Variants in MALRD1 observed in about 807,000 individuals in gnomAD.
MALRD1 encodes the protein MAM and LDL receptor class A domain containing 1.
A neutral mutation model predicts 242.1 loss-of-function variants in MALRD1; 247 were observed. The observed-to-expected ratio is 1.02, with a 90% confidence interval of 0.92 to 1.13. MALRD1 has a LOEUF of 1.13. Ranked by LOEUF, MALRD1 falls within the 50% of genes most tolerant of loss-of-function variation. The probability of loss-of-function intolerance (pLI) is 0.00; values close to 1 mark genes in which losing one functional copy is unlikely to be tolerated. For synonymous variants in MALRD1, 995 were observed against 866.6 expected (o/e 1.15, Z -2.60); for missense variants, 2,989 against 2,533.1 (o/e 1.18, Z -3.86).
At chr10:19,388,276 G>A (rs1398887230) in intron 27 of MALRD1, among the ~76,000 whole-genome samples, 1 of 152,110 alleles carries the variant, frequency 6.6e-6, no homozygotes, top group Non-Finnish European at 1.5e-5. Flanking sequence ...TCCAAATAAG[G>A]TCACATTCAT....
At chr10:19,073,152 T>G (rs186346027) in intron 2 of MALRD1, among the ~76,000 whole-genome samples, 1 of 152,064 alleles carries the variant, frequency 6.6e-6, no homozygotes, top group African/African-American at 2.4e-5. Context: ...TGACCTCAAG[T>G]GATCTGCCCA....
chr10:19,245,074 G>A (rs924453643), intron 18 of MALRD1, among the ~76,000 whole-genome samples: 1 of 152,150 alleles, frequency 6.6e-6, no homozygotes, highest in Non-Finnish European at 1.5e-5. Flanking sequence ...TGAAAAGCAG[G>A]TACAAATAAA....
At chr10:19,450,737 C>G (rs995428899) in intron 29 of MALRD1, among the ~76,000 whole-genome samples, 4 of 152,114 alleles carry the variant, frequency 2.6e-5, no homozygotes, top group African/African-American at 9.7e-5. Context: ...AAATTTTTTT[C>G]CCTGTGGTTC....
At chr10:19,107,937 A>G (rs774926044) in intron 5 of MALRD1, among the ~76,000 whole-genome samples, 60 of 151,894 alleles carry the variant, frequency 4.0e-4, no homozygotes, top group Admixed American at 2.6e-4. Flanking sequence ...TTTGTCTTTG[A>G]CTTTTGGTAA....
At chr10:19,516,737 T>G (rs1833650572) in intron 31 of MALRD1, among the ~76,000 whole-genome samples, 1 of 139,756 alleles carries the variant, frequency 7.2e-6, no homozygotes, top group Non-Finnish European at 1.6e-5. Context: ...TCCCTCTTCC[T>G]TCTTCCTTGT....
At chr10:19,695,479 T>C (rs920424025) in intron 38 of MALRD1, among the ~76,000 whole-genome samples, 1 of 151,244 alleles carries the variant, frequency 6.6e-6, no homozygotes, top group Non-Finnish European at 1.5e-5. Flanking sequence ...CTCACAATCA[T>C]GGTAGAAGGC....
At chr10:19,591,993 G>A (rs1005987722) in intron 33 of MALRD1, among the ~76,000 whole-genome samples, 6 of 152,196 alleles carry the variant, frequency 3.9e-5, no homozygotes, top group Non-Finnish European at 5.9e-5. Flanking sequence ...AGTGAATGAA[G>A]GACTGCCTCT....
Position 19,088,125 on chromosome 10 carries a change from T to A in MALRD1, c.537T>A (p.Ala179=), listed in dbSNP as rs1835738214. The stretch of plus-strand genomic sequence containing the variant: ...TTCAGCATTTATGGCAAAACACAGC[T>A]GCACTCCCAAATCAGTGGGAGAGAA... The part of the protein sequence containing the change: ...GPIQHLWQNT[A]ALPNQWERNV... Residue 179 remains alanine (A), a synonymous_variant, in exon 4 of 40, where the codon GCT becomes GCA. Transcript: ENST00000454679. The A allele has an allele frequency of 3.2e-6, 4 of 1,233,432 alleles. No homozygotes were observed. The highest frequency in any genetic ancestry group is 1.6e-5 in the African/African-American group (1 of 64,452). The allele number at this position is 1,233,432 out of a possible 1,614,324, so 76.4% of individuals were successfully genotyped here. A position where few individuals can be genotyped will look rare whatever the true frequency, so the allele number is the denominator to read the frequency against.
chr10:19,266,490 C>T (rs1287511344), intron 19 of MALRD1, among the ~76,000 whole-genome samples: 1 of 151,762 alleles, frequency 6.6e-6, no homozygotes, highest in Non-Finnish European at 1.5e-5. Flanking sequence ...TACAAAAATC[C>T]TACACGTCTT....
At chr10:19,617,932 C>T (rs935249311) in intron 36 of MALRD1, among the ~76,000 whole-genome samples, 20 of 151,986 alleles carry the variant, frequency 1.3e-4, no homozygotes, top group Non-Finnish European at 1.0e-4. Flanking sequence ...CACCCAGGTA[C>T]TAAGCCTAGT....
chr10:19,387,521 GT>G lies in MALRD1; in HGVS notation c.4442-3del, dbSNP rs1846135175. ...GCTCATTCTTGTTTTCTTTTGTTTT[GT>G]TTTAGGTTTCTGCCCACTTGGCTAT... On this transcript the variant is annotated splice_region_variant and splice_polypyrimidine_tract_variant and intron_variant, in intron 26 of 39. Transcript: ENST00000454679. The G allele has an allele frequency of 6.5e-7, 1 of 1,548,430 alleles. No individual in the cohort carries two copies. The highest frequency in any genetic ancestry group is 1.4e-5 in the African/African-American group (1 of 72,846).
At chr10:19,463,385 TCCTCTGC>T (rs1836043632) in intron 29 of MALRD1, among the ~76,000 whole-genome samples, 1 of 5,876 alleles carries the variant, frequency 1.7e-4, no homozygotes, top group African/African-American at 3.7e-4. Flanking sequence ...ATACAATGCA[TCCTCTGC>T]ATCCTCTGCA....
At chr10:19,308,226 A>G (rs936247291) in intron 21 of MALRD1, among the ~76,000 whole-genome samples, 4 of 151,272 alleles carry the variant, frequency 2.6e-5, no homozygotes, top group African/African-American at 9.7e-5. Context: ...TCTATTCTGC[A>G]TGTCTGTGTG....
At chr10:19,204,255 T>G in intron 15 of MALRD1, 53 bp from the exon 16 acceptor site, 1 of 1,165,912 alleles carries the variant, frequency 8.6e-7, no homozygotes, top group South Asian at 1.5e-5. Flanking sequence ...GATGTCTCAT[T>G]TTAGAATCCA....
intron 32 of MALRD1, among the ~76,000 whole-genome samples, chr10:19,545,461 CT>C: frequency 6.6e-6 from 1 of 152,146 alleles, no homozygotes; most frequent in Non-Finnish European, 1.5e-5. Flanking sequence ...GTATAGATTT[CT>C]AGGTTGAAAA....
At chr10:19,331,248 CAAAAACA>C (rs1189857858) in intron 23 of MALRD1, 114 bp from the exon 24 acceptor site, 1 of 917,468 alleles carries the variant, frequency 1.1e-6, no homozygotes. Flanking sequence ...AAAACAAAAA[CAAAAACA>C]AAAAAACAAA....
At chr10:19,183,122 T>TGG (rs1564449807) in intron 14 of MALRD1, among the ~76,000 whole-genome samples, 4 of 150,948 alleles carry the variant, frequency 2.6e-5, no homozygotes, top group East Asian at 1.9e-4. Flanking sequence ...AGGGTTTTTT[T>TGG]TTTTTTTTTG....
chr10:19,595,533 A>C, intron 34 of MALRD1, 76 bp downstream of exon 34: 1 of 1,439,842 alleles, frequency 6.9e-7, no homozygotes, highest in Non-Finnish European at 9.3e-7. Context: ...TCGACAGATA[A>C]AATGAAGTTC....
chr10:19,123,477 C>G lies in MALRD1; in HGVS notation c.695-15C>G. Reference sequence around the variant, plus strand: ...CACCTGCATTTCACTTCTTGCCAATCTTTAAATTTAACAGATGGAATTTTA... The same window carrying G: ...CACCTGCATTTCACTTCTTGCCAATGTTTAAATTTAACAGATGGAATTTTA... On this transcript the variant is annotated splice_polypyrimidine_tract_variant and intron_variant, in intron 5 of 39. Coordinates refer to ENST00000454679, the MANE Select transcript of MALRD1 (RefSeq NM_001142308.3). 1.6e-6 allele frequency: 2 copies of G among 1,225,536 alleles called. No homozygotes were observed. The highest frequency in any genetic ancestry group is 2.0e-6 in the Non-Finnish European group (2 of 980,492). The allele number at this position is 1,225,536 out of a possible 1,614,324, so 75.9% of individuals were successfully genotyped here.
Sources: allele counts gnomAD v4.1 joint callset (sites outside exome capture counted in the v4.1 genomes callset), GRCh38; gene constraint gnomAD v4.1.1; transcripts MANE v1.5; gene names NCBI Gene and HGNC (gene_info 2026-07-23, HGNC 2026-07-21).